Variants in GREB1 observed in about 807,000 individuals in gnomAD.
The protein encoded by GREB1 is growth regulating estrogen receptor binding 1.
GREB1 carries 106 observed loss-of-function variants against 200.7 expected under a neutral mutation model. That is an observed-to-expected ratio of 0.53 (90% CI 0.45 to 0.62). GREB1 has a LOEUF of 0.62. Ranked by LOEUF, GREB1 falls within the 20% of genes least tolerant of loss-of-function variation. The probability of loss-of-function intolerance (pLI) is 0.00; values close to 1 mark genes in which losing one functional copy is unlikely to be tolerated. For synonymous variants in GREB1, 1,132 were observed against 1,092.4 expected (o/e 1.04, Z -0.72); for missense variants, 2,243 against 2,556.8 (o/e 0.88, Z 2.65).
At chr2:11,603,573 C>T (rs1002248025) in intron 17 of GREB1, among the ~76,000 whole-genome samples, 3 of 152,190 alleles carry the variant, frequency 2.0e-5, no homozygotes, top group Non-Finnish European at 4.4e-5. Context: ...TCCAGTAGCT[C>T]GTGGGACTAG....
At chr2:11,534,529 A>G (rs1014039660) in intron 1 of GREB1, among the ~76,000 whole-genome samples, 1 of 152,126 alleles carries the variant, frequency 6.6e-6, no homozygotes, top group Non-Finnish European at 1.5e-5. Context: ...TGAAGTGGGG[A>G]GCGTGCGGCT....
intron 15 of GREB1, among the ~76,000 whole-genome samples, chr2:11,600,029 G>A (rs539951038): frequency 2.6e-5 from 4 of 152,220 alleles, no homozygotes; most frequent in Admixed American, 6.5e-5. Context: ...GGGCCAGGTC[G>A]TGGAGAAAGC....
chr2:11,637,558 T>G (rs1045954563), intron 30 of GREB1, among the ~76,000 whole-genome samples, 158 bp from the exon 31 acceptor site: 1 of 152,224 alleles, frequency 6.6e-6, no homozygotes, highest in African/African-American at 2.4e-5. Flanking sequence ...AACCTAATCT[T>G]TCTCAATAGA....
upstream of GREB1, among the ~76,000 whole-genome samples, chr2:11,533,134 A>G (rs1674137099): frequency 6.6e-6 from 1 of 152,228 alleles, no homozygotes; most frequent in Non-Finnish European, 1.5e-5. Flanking sequence ...ACTTGGTGCT[A>G]CAAGTTAAGA....
At chr2:11,521,315 GC>G (rs2148472292) in intron 1 of GREB1, among the ~76,000 whole-genome samples, 1 of 152,102 alleles carries the variant, frequency 6.6e-6, no homozygotes, top group Admixed American at 6.6e-5. Flanking sequence ...TCACAATGTT[GC>G]CCGGGCTGGT....
intron 17 of GREB1, among the ~76,000 whole-genome samples, chr2:11,605,905 A>G (rs967206916): frequency 2.6e-5 from 4 of 152,238 alleles, no homozygotes; most frequent in Admixed American, 6.5e-5. Context: ...TAAAGGTGCT[A>G]TGAACATTCA....
intron 1 of GREB1, among the ~76,000 whole-genome samples, chr2:11,552,750 G>T (rs540685094): frequency 2.6e-5 from 4 of 151,936 alleles, no homozygotes; most frequent in Admixed American, 2.0e-4. Flanking sequence ...GGTGGCTCAC[G>T]CCTGTAATCC....
chr2:11,526,892 TTGA>T (rs1451873171), intron 1 of GREB1, among the ~76,000 whole-genome samples: 28 of 152,180 alleles, frequency 1.8e-4, no homozygotes, highest in African/African-American at 5.1e-4. Flanking sequence ...GGTAATTATC[TTGA>T]TATTTCTAAA....
chr2:11,618,174 TGGGACA>T (rs1683621218), intron 21 of GREB1, 108 bp from the exon 22 acceptor site: 1 of 887,096 alleles, frequency 1.1e-6, no homozygotes, highest in African/African-American at 2.0e-5. Flanking sequence ...GGGTGACTCC[TGGGACA>T]GGTCACTCCT....
intron 1 of GREB1, among the ~76,000 whole-genome samples, chr2:11,550,645 C>T (rs1042678746): frequency 2.0e-5 from 3 of 152,234 alleles, no homozygotes; most frequent in African/African-American, 7.2e-5. Context: ...AATCAGTTTG[C>T]TCCTCAGGAG....
intron 1 of GREB1, among the ~76,000 whole-genome samples, chr2:11,506,487 A>G (rs1282683622): frequency 6.6e-6 from 1 of 152,220 alleles, no homozygotes; most frequent in Non-Finnish European, 1.5e-5. Flanking sequence ...CATTTTGTTC[A>G]TTAGGTGATG....
intron 1 of GREB1, among the ~76,000 whole-genome samples, chr2:11,498,443 A>T (rs1269531720): frequency 6.6e-6 from 1 of 152,176 alleles, no homozygotes; most frequent in Non-Finnish European, 1.5e-5. Context: ...TTACCAAGTC[A>T]AATATATAGG....
At chr2:11,560,655 C>T (rs1435765107) in intron 2 of GREB1, among the ~76,000 whole-genome samples, 1 of 151,604 alleles carries the variant, frequency 6.6e-6, no homozygotes, top group Non-Finnish European at 1.5e-5. Context: ...GAGCTGAGAT[C>T]GCACCATTTT....
intron 1 of GREB1, among the ~76,000 whole-genome samples, chr2:11,485,275 ATTTTTT>A (rs56041700): frequency 7.5e-6 from 1 of 133,776 alleles, no homozygotes; most frequent in Non-Finnish European, 1.6e-5. Context: ...ATATATATGT[ATTTTTT>A]TTTTTTTTTG....
Position 11,592,819 on chromosome 2 carries a change from C to T in GREB1, c.1389C>T (p.Phe463=), listed in dbSNP as rs776153844. The T allele has an allele frequency of 7.0e-6, 11 of 1,581,982 alleles. No homozygotes were observed. Among genetic ancestry groups the T allele is most frequent in the East Asian group, 2.3e-5 (1 of 43,480 alleles). ...TGATGGAGGACCTGGAGCAGATCTTCCTGCGCTCTTGGCGCGAGTCGCACC... is the reference window on the plus strand; with the variant it reads ...TGATGGAGGACCTGGAGCAGATCTTTCTGCGCTCTTGGCGCGAGTCGCACC... ...VPLMEDLEQI[F]LRSWRESHLT... is the part of the protein sequence containing the mutation. The change falls in exon 11 of 33, where the codon TTC becomes TTT. Residue 463 remains phenylalanine, a synonymous_variant. Coordinates refer to ENST00000381486, the MANE Select transcript of GREB1 (RefSeq NM_014668.4).
intron 1 of GREB1, among the ~76,000 whole-genome samples, chr2:11,508,952 G>A (rs1379315365): frequency 1.4e-5 from 2 of 147,360 alleles, no homozygotes; most frequent in African/African-American, 5.1e-5. Context: ...TCGGCTCACT[G>A]CAAGCTCCGC....
At chr2:11,511,294 C>A (rs912791550) in intron 1 of GREB1, among the ~76,000 whole-genome samples, 22 of 152,144 alleles carry the variant, frequency 1.4e-4, no homozygotes, top group African/African-American at 5.1e-4. Context: ...CATTTTATGG[C>A]TGGAGAGCTG....
Position 11,635,420 on chromosome 2 carries a change from G to T in GREB1, c.5346+15G>T. ...TCACATCCAAGGTGAGCTCCTCGCT[G>T]CTGGGCAGGCCTCTATGTCCACCGC... is the stretch of plus-strand genomic sequence containing the variant. On this transcript the variant is annotated intron_variant, in intron 30 of 32. Transcript: ENST00000381486. 6.3e-7 allele frequency: 1 copy of T among 1,593,706 alleles called. No individual in the cohort carries two copies.
intron 22 of GREB1, among the ~76,000 whole-genome samples, chr2:11,619,996 C>G (rs1050644049): frequency 2.6e-5 from 4 of 152,106 alleles, no homozygotes; most frequent in African/African-American, 9.7e-5. Flanking sequence ...TGTTATTTTT[C>G]AGACGGAGTC....
Sources: allele counts gnomAD v4.1 joint callset (sites outside exome capture counted in the v4.1 genomes callset), GRCh38; gene constraint gnomAD v4.1.1; transcripts MANE v1.5; gene names NCBI Gene and HGNC (gene_info 2026-07-23, HGNC 2026-07-21).